The following AKAP6 variants were observed in gnomAD, a reference collection of about 807,000 sequenced individuals.
AKAP6 encodes A-kinase anchoring protein 6.
Under a neutral mutation model 188.5 loss-of-function variants are expected in AKAP6, and 58 were observed. The observed-to-expected ratio is 0.31, with a 90% CI of 0.25 to 0.38. AKAP6 has a LOEUF of 0.38. AKAP6 is among the 10% of genes least tolerant of loss of function. The pLI is 1.00. For missense variants in AKAP6, 2,710 were observed against 2,740.0 expected (o/e 0.99, Z 0.24); for synonymous variants, 989 against 998.6 (o/e 0.99, Z 0.18).
intron 8 of AKAP6, among the ~76,000 whole-genome samples, chr14:32,685,520 C>A (rs189664318): frequency 1.3e-5 from 2 of 151,730 alleles, no homozygotes; most frequent in African/African-American, 4.8e-5. Context: ...GTCAGGAGAT[C>A]GAGACCATCC....
chr14:32,403,531 T>C (rs1226970517), intron 1 of AKAP6: 2 of 152,202 alleles, frequency 1.3e-5, no homozygotes, highest in African/African-American at 4.8e-5. Context: ...TAGATGTATG[T>C]GCTCAGAGCC....
intron 11 of AKAP6, among the ~76,000 whole-genome samples, chr14:32,765,030 G>T (rs866184309): frequency 6.6e-6 from 1 of 150,864 alleles, no homozygotes; most frequent in East Asian, 2.0e-4. Context: ...TGCCTCCCAG[G>T]TTCAAGCAAT....
intron 12 of AKAP6, among the ~76,000 whole-genome samples, chr14:32,800,986 C>T (rs911657214): frequency 2.0e-5 from 3 of 152,126 alleles, no homozygotes; most frequent in Non-Finnish European, 4.4e-5. Context: ...CACTACGTGC[C>T]AGCCTGGGCA....
intron 12 of AKAP6, among the ~76,000 whole-genome samples, chr14:32,792,876 T>C (rs1004174644): frequency 3.9e-5 from 6 of 152,166 alleles, no homozygotes; most frequent in African/African-American, 4.8e-5. Context: ...GAGATAATCA[T>C]GTGGCTTAAT....
At chr14:32,514,528 T>C (rs1881421448) in intron 2 of AKAP6, among the ~76,000 whole-genome samples, 1 of 152,140 alleles carries the variant, frequency 6.6e-6, no homozygotes, top group Admixed American at 6.6e-5. Context: ...TTAACTTCTT[T>C]CTCCCAGTAG....
At position 32,830,160 on chromosome 14, in the gene AKAP6, T is replaced by C. The variant is rs984703931; in HGVS notation, c.*355T>C. ...CCTTCCCTTCCACTCTTTAAAGTTC[T>C]GCAGTTCACCAACTGGTAGTCCATT... On this transcript the variant is annotated 3_prime_UTR_variant, in exon 14 of 14. Coordinates refer to ENST00000280979, the MANE Select transcript of AKAP6 (RefSeq NM_004274.5). The C allele has an allele frequency of 3.6e-5, 20 of 548,972 alleles. No homozygotes were observed. In the Admixed American group the frequency reaches 6.6e-4, roughly 18 times the overall value. 34.0% of individuals were successfully genotyped at this position (548,972 alleles called of 1,614,324 possible). A position where few individuals can be genotyped will look rare whatever the true frequency, so the allele number is the denominator to read the frequency against.
intron 2 of AKAP6, among the ~76,000 whole-genome samples, chr14:32,525,461 G>A (rs1882072856): frequency 6.6e-6 from 1 of 152,222 alleles, no homozygotes; most frequent in African/African-American, 2.4e-5. Flanking sequence ...GAAGGCAGAG[G>A]AGACTTTCAG....
At chr14:32,510,498 A>C (rs1881203909) in intron 2 of AKAP6, among the ~76,000 whole-genome samples, 1 of 143,758 alleles carries the variant, frequency 7.0e-6, no homozygotes, top group Admixed American at 7.1e-5. Context: ...GTGTATATAT[A>C]TATATATGAA....
intron 2 of AKAP6, among the ~76,000 whole-genome samples, chr14:32,509,228 G>A (rs909054661): frequency 2.0e-5 from 3 of 148,446 alleles, no homozygotes; most frequent in African/African-American, 7.5e-5. Context: ...GGGTTCAAGC[G>A]ATTCTCGTAC....
chr14:32,750,737 G>GTTTT (rs71293226), intron 11 of AKAP6, among the ~76,000 whole-genome samples: 12 of 138,356 alleles, frequency 8.7e-5, no homozygotes, highest in Non-Finnish European at 7.6e-5. Flanking sequence ...AATTAATTTT[G>GTTTT]TTTTTTTTTT....
chr14:32,475,254 G>A (rs1879000466), intron 2 of AKAP6, among the ~76,000 whole-genome samples: 1 of 152,154 alleles, frequency 6.6e-6, no homozygotes, highest in Non-Finnish European at 1.5e-5. Context: ...AGGCACAGAG[G>A]TTAAGCTTCT....
chr14:32,679,153 T>C (rs1305824608), intron 8 of AKAP6, among the ~76,000 whole-genome samples: 1 of 152,224 alleles, frequency 6.6e-6, no homozygotes, highest in African/African-American at 2.4e-5. Context: ...TGTATTTATA[T>C]CATTGGAGCA....
rs375634017 is a variant in AKAP6, at chr14:32,493,324, A to G, written c.325-42230A>G. Reference sequence around the variant, plus strand: ...AGGGCTTGGGCAGTCCTCCCACCTCAGCCTCCCAAGTAGCTGGGAACAGGC... The same window carrying G: ...AGGGCTTGGGCAGTCCTCCCACCTCGGCCTCCCAAGTAGCTGGGAACAGGC... On this transcript the variant is annotated intron_variant, in intron 2 of 13. Transcript: ENST00000280979. 3.7e-3 allele frequency among the ~76,000 whole-genome samples: 560 copies of G among 152,104 alleles called. 1 individual carries two copies. Among genetic ancestry groups the G allele is most frequent in the African/African-American group, 0.013 (529 of 41,490 alleles).
chr14:32,333,007 C>CA (rs1225413566), intron 1 of AKAP6, among the ~76,000 whole-genome samples: 1 of 152,024 alleles, frequency 6.6e-6, no homozygotes, highest in African/African-American at 2.4e-5. Context: ...GGCTAATGCA[C>CA]ACACTGACAG....
intron 1 of AKAP6, among the ~76,000 whole-genome samples, chr14:32,365,361 T>G (rs1887797767): frequency 6.8e-6 from 1 of 148,000 alleles, no homozygotes; most frequent in South Asian, 2.1e-4. Flanking sequence ...GGTCTCTCCC[T>G]TTTGTACAGC....
intron 2 of AKAP6, among the ~76,000 whole-genome samples, chr14:32,446,144 T>C (rs189761304): frequency 6.6e-6 from 1 of 152,236 alleles, no homozygotes; most frequent in Non-Finnish European, 1.5e-5. Flanking sequence ...TATTTTAGCT[T>C]ATTTGAATTT....
chr14:32,708,530 A>T (rs1417387047), intron 9 of AKAP6, among the ~76,000 whole-genome samples: 1 of 152,096 alleles, frequency 6.6e-6, no homozygotes, highest in Non-Finnish European at 1.5e-5. Flanking sequence ...CTCTAATACC[A>T]GGAGAGGGCT....
intron 5 of AKAP6, among the ~76,000 whole-genome samples, chr14:32,583,426 C>T (rs1885073727): frequency 6.6e-6 from 1 of 152,192 alleles, no homozygotes; most frequent in Non-Finnish European, 1.5e-5. Context: ...AGTTAGGCTG[C>T]TCGGGGGTCA....
chr14:32,350,532 G>A (rs1412802774), intron 1 of AKAP6, among the ~76,000 whole-genome samples: 1 of 152,072 alleles, frequency 6.6e-6, no homozygotes, highest in Non-Finnish European at 1.5e-5. Context: ...TAGGTCCTGG[G>A]ACTGCAAGAG....
Sources: allele counts gnomAD v4.1 joint callset (sites outside exome capture counted in the v4.1 genomes callset), GRCh38; gene constraint gnomAD v4.1.1; transcripts MANE v1.5; gene names NCBI Gene and HGNC (gene_info 2026-07-23, HGNC 2026-07-21).